Variants in DMD observed in about 807,000 individuals in gnomAD.
DMD encodes the protein mutant dystrophin.
A neutral mutation model predicts 330.1 loss-of-function variants in DMD; 63 were observed. The ratio of observed to expected loss-of-function variants is 0.19; its 90% confidence interval spans 0.16 to 0.24. The LOEUF (loss-of-function observed/expected upper bound fraction) is 0.24, where lower values mean the gene tolerates loss of function less well. Among genes scored for constraint, DMD ranks in the 10% least tolerant of loss-of-function variants. The pLI, the probability that DMD is intolerant of heterozygous loss-of-function variation, is 1.00. For missense variants in DMD, 3,344 were observed against 2,684.1 expected (o/e 1.25, Z -5.43); for synonymous variants, 1,223 against 959.8 (o/e 1.27, Z -5.07).
At chrX:32,141,296 C>T (rs962081846) in intron 44 of DMD, among the ~76,000 whole-genome samples, 1 of 107,794 alleles carries the variant, frequency 9.3e-6, no homozygotes, top group African/African-American at 3.4e-5. Context: ...AATAGCCTGG[C>T]GTGGTTGTGG....
intron 59 of DMD, among the ~76,000 whole-genome samples, chrX:31,445,292 C>T (rs1280240380): frequency 9.0e-6 from 1 of 111,548 alleles, no homozygotes; most frequent in African/African-American, 3.3e-5. Flanking sequence ...CATGAGAAAA[C>T]AAACTTGCAG....
chrX:32,345,886 C>A (rs1395698298), intron 39 of DMD, 57 bp downstream of exon 39: 3 of 1,145,270 alleles, frequency 2.6e-6, no homozygotes, highest in East Asian at 3.0e-5. Flanking sequence ...TTATATTTTA[C>A]CCTATATATT....
intron 60 of DMD, among the ~76,000 whole-genome samples, chrX:31,369,708 G>A (rs2059442195): frequency 9.0e-6 from 1 of 110,699 alleles, no homozygotes; most frequent in Admixed American, 9.7e-5. Flanking sequence ...GAAGGTGGCT[G>A]GGTCTGAAGC....
intron 1 of DMD, among the ~76,000 whole-genome samples, chrX:33,035,220 T>C (rs143426910): frequency 0.022 from 2,440 of 111,784 alleles, 60 homozygotes; most frequent in African/African-American, 0.075. Context: ...TTTTTTTACA[T>C]GTTTATTTAA....
chrX:31,954,006 A>G (rs907668549), intron 45 of DMD, among the ~76,000 whole-genome samples: 1 of 110,948 alleles, frequency 9.0e-6, no homozygotes, highest in Non-Finnish European at 1.9e-5. Flanking sequence ...GCAAGAAAAC[A>G]CCAAATAAGT....
At chrX:32,617,647 A>C (rs1298139326) in intron 11 of DMD, among the ~76,000 whole-genome samples, 1 of 111,731 alleles carries the variant, frequency 9.0e-6, no homozygotes, top group Non-Finnish European at 1.9e-5. Flanking sequence ...CATCACAATT[A>C]TTTGGGCAAT....
chrX:31,415,904 C>T (rs16989615), intron 60 of DMD, among the ~76,000 whole-genome samples: 1,438 of 110,778 alleles, frequency 0.013, 22 homozygotes, highest in African/African-American at 0.045. Context: ...ATGTGGTCTG[C>T]GCTTTAGGCC....
intron 7 of DMD, among the ~76,000 whole-genome samples, chrX:32,719,681 G>A (rs2066070384): frequency 9.0e-6 from 1 of 111,213 alleles, no homozygotes; most frequent in Non-Finnish European, 1.9e-5. Flanking sequence ...ACTTACTTTT[G>A]TGTTCTTATT....
chrX:32,983,844 T>A (rs968201988), intron 2 of DMD, among the ~76,000 whole-genome samples: 1 of 111,372 alleles, frequency 9.0e-6, no homozygotes, highest in Non-Finnish European at 1.9e-5. Context: ...ATTCACTATA[T>A]AATTGAGAAT....
chrX:31,314,762 G>GAA (rs1569524508), intron 62 of DMD, among the ~76,000 whole-genome samples: 1,676 of 105,035 alleles, frequency 0.016, 33 homozygotes, highest in African/African-American at 0.046. Context: ...GAGAGAGAGA[G>GAA]AGAGAGAGAG....
chrX:31,457,292 A>G (rs2066253758), intron 59 of DMD, among the ~76,000 whole-genome samples: 1 of 111,409 alleles, frequency 9.0e-6, no homozygotes, highest in Non-Finnish European at 1.9e-5. Flanking sequence ...AATAATTTTT[A>G]AGGGTCACGC....
intron 62 of DMD, among the ~76,000 whole-genome samples, chrX:31,292,859 G>A (rs1480394932): frequency 2.7e-5 from 3 of 111,283 alleles, no homozygotes; most frequent in Non-Finnish European, 5.6e-5. Flanking sequence ...GTTATATACT[G>A]TACAATTCCA....
chrX:33,084,752 C>T (rs1472988184), intron 1 of DMD, among the ~76,000 whole-genome samples: 1 of 111,405 alleles, frequency 9.0e-6, no homozygotes, highest in African/African-American at 3.3e-5. Flanking sequence ...TGATGTTAGT[C>T]CTACAGAGGC....
At position 32,147,141 on chromosome X, in the gene DMD, C is replaced by A. The variant is rs1333914460; in HGVS notation, c.6438+69775G>T. Among the ~76,000 whole-genome samples the A allele has an allele frequency of 2.7e-5, 3 of 111,758 alleles. No individual in the cohort carries two copies. In the East Asian group the frequency reaches 8.4e-4, roughly 31 times the overall value. ...CATATACCCACCATGCAGATCCCAG[C>A]AATTATAAACTCAAGGGCCCATATG... is the stretch of plus-strand genomic sequence containing the variant. On this transcript the variant is annotated intron_variant, in intron 44 of 78. Transcript: ENST00000357033.
intron 1 of DMD, among the ~76,000 whole-genome samples, chrX:33,338,766 A>T (rs1052829383): frequency 8.9e-6 from 1 of 111,781 alleles, no homozygotes; most frequent in African/African-American, 3.2e-5. Flanking sequence ...CTAGAAATTG[A>T]TGAGGAGAAA....
In DMD at chrX:31,298,486, T is replaced by C. The variant is rs1284019276; in HGVS notation, c.9224+25112A>G. 2.7e-5 allele frequency among the ~76,000 whole-genome samples: 3 copies of C among 110,744 alleles called. No homozygotes were observed. The East Asian group carries it at 8.4e-4, about 31-fold the overall frequency. ...GTAATACCACTGCCAGAGACTCAGT[T>C]AAGATAATATTGTTCTCTATTTGAC... is the stretch of plus-strand genomic sequence containing the variant. On this transcript the variant is annotated intron_variant, in intron 62 of 78. Transcript: ENST00000357033.
chrX:32,275,603 T>G (rs757135044), intron 43 of DMD, among the ~76,000 whole-genome samples: 1 of 112,005 alleles, frequency 8.9e-6, no homozygotes, highest in Non-Finnish European at 1.9e-5. Context: ...TGGTAAGTGT[T>G]TTGGTGTGTC....
chrX:33,234,445 A>T (rs1016226007), intron 1 of DMD, among the ~76,000 whole-genome samples: 1 of 110,654 alleles, frequency 9.0e-6, no homozygotes, highest in Non-Finnish European at 1.9e-5. Context: ...TTCACACCTC[A>T]GTTTCCCCAA....
intron 44 of DMD, among the ~76,000 whole-genome samples, chrX:31,970,539 C>G (rs1287957093): frequency 9.1e-6 from 1 of 110,332 alleles, no homozygotes; most frequent in South Asian, 3.8e-4. Flanking sequence ...AAAGGATGAG[C>G]GGAGGAGACT....
Sources: gnomAD v4.1 joint callset for allele counts (sites outside exome capture counted in the v4.1 genomes callset) on GRCh38, gnomAD v4.1.1 for gene constraint, MANE v1.5 for transcripts, NCBI Gene and HGNC (gene_info 2026-07-23, HGNC 2026-07-21) for gene names.